EPS15L1: variants seen among roughly 807,000 people sequenced by gnomAD.
The protein encoded by EPS15L1 is epidermal growth factor receptor substrate 15-like 1.
Under a neutral mutation model 117.1 loss-of-function variants are expected in EPS15L1, and 43 were observed. That is an observed-to-expected ratio of 0.37 (90% CI 0.29 to 0.47). The LOEUF is 0.47. Ranked by LOEUF, EPS15L1 falls within the 20% of genes least tolerant of loss-of-function variation. The pLI is 0.99. For missense variants in EPS15L1, 981 were observed against 1,164.0 expected (o/e 0.84, Z 2.29); for synonymous variants, 459 against 470.5 (o/e 0.98, Z 0.32).
intron 9 of EPS15L1, among the ~76,000 whole-genome samples, chr19:16,422,377 T>C (rs185040394): frequency 3.3e-5 from 5 of 152,208 alleles, no homozygotes; most frequent in Non-Finnish European, 7.4e-5. Context: ...GTTCACGGCA[T>C]CTGTGTCCTG....
chr19:16,425,410 A>G, intron 8 of EPS15L1, 94 bp from the exon 9 acceptor site: 1 of 828,786 alleles, frequency 1.2e-6, no homozygotes, highest in Non-Finnish European at 2.0e-6. Flanking sequence ...GGCTGCAGTG[A>G]CAGGACACTC....
chr19:16,412,038 T>C (rs1455666671), intron 13 of EPS15L1, among the ~76,000 whole-genome samples: 1 of 152,244 alleles, frequency 6.6e-6, no homozygotes, highest in Middle Eastern at 3.2e-3. Flanking sequence ...TTATAATACC[T>C]AATATAATGT....
Position 16,370,894 on chromosome 19 carries a change from G to C in EPS15L1, c.2380+6228C>G, listed in dbSNP as rs1369199676. On this transcript the variant is annotated intron_variant, in intron 22 of 23. Transcript: ENST00000455140. This position sits in a 1 kb window ranked among gnomAD's most constrained non-coding sequence, Gnocchi z 5.2. The stretch of plus-strand genomic sequence containing the variant: ...TGGGCAGGAAAGAGGGACTCCACCT[G>C]GTTGGCCGTTTTAGGCTCCTTGGGA... Among the ~76,000 whole-genome samples, 1 of 152,150 alleles carries C rather than the reference G, an allele frequency of 6.6e-6. No homozygotes were observed. Among genetic ancestry groups the C allele is most frequent in the Non-Finnish European group, 1.5e-5 (1 of 68,012 alleles).
At chr19:16,459,820 G>A (rs1164153009) in intron 1 of EPS15L1, among the ~76,000 whole-genome samples, 3 of 152,150 alleles carry the variant, frequency 2.0e-5, no homozygotes, top group Non-Finnish European at 4.4e-5. Flanking sequence ...GAATCAGCAC[G>A]TGAGTTGCAG....
rs541643700 is a variant in EPS15L1, at chr19:16,404,059, C to T, written c.1429-129G>A. On this transcript the variant is annotated intron_variant, in intron 14 of 23. Coordinates refer to ENST00000455140, the MANE Select transcript of EPS15L1 (RefSeq NM_001258374.3). The surrounding 1 kb of genome is among the most constrained non-coding windows in gnomAD (Gnocchi z 4.2). ...GGGACGCAGACACCTAACCCAGGCC[C>T]GACACCTGGCTTCCTTACAGGCCTC... 9.8e-5 allele frequency: 78 copies of T among 792,004 alleles called. No individual in the cohort carries two copies. The African/African-American group carries it at 1.0e-3, about 11-fold the overall frequency. The allele number at this position is 792,004 out of a possible 1,614,324, so 49.1% of individuals were successfully genotyped here. A position where few individuals can be genotyped will look rare whatever the true frequency, so the allele number is the denominator to read the frequency against.
At chr19:16,378,326 A>G (rs1363714365) in intron 21 of EPS15L1, among the ~76,000 whole-genome samples, 1 of 151,836 alleles carries the variant, frequency 6.6e-6, no homozygotes, top group Non-Finnish European at 1.5e-5. Context: ...CCCTCCCCTC[A>G]CAATGCCTCC....
Position 16,365,561 on chromosome 19 carries a change from G to C in EPS15L1, c.2381-3577C>G, listed in dbSNP as rs1045588502. Reference sequence around the variant, plus strand: ...GGCTGAGATAGAGCAAGTGTGAGCAGGGAGCCACCAAAGCCACCGGCAGGG... The same window carrying C: ...GGCTGAGATAGAGCAAGTGTGAGCACGGAGCCACCAAAGCCACCGGCAGGG... On this transcript the variant is annotated intron_variant, in intron 22 of 23. Transcript: ENST00000455140. The surrounding 1 kb of genome is among the most constrained non-coding windows in gnomAD (Gnocchi z 4.9). Among the ~76,000 whole-genome samples the C allele has an allele frequency of 2.6e-4, 40 of 152,204 alleles. No homozygotes were observed. Among genetic ancestry groups the C allele is most frequent in the Admixed American group, 3.9e-4 (6 of 15,284 alleles).
In EPS15L1 at chr19:16,371,652, G is replaced by A. The variant is rs1055676051; in HGVS notation, c.2380+5470C>T. 2.0e-5 allele frequency among the ~76,000 whole-genome samples: 3 copies of A among 152,174 alleles called. No individual in the cohort carries two copies. The highest frequency in any genetic ancestry group is 4.1e-4 in the South Asian group (2 of 4,834). ...GGGCGCTGCAGGCAGGAACCGCAAC[G>A]CAGGGCCGCGCTGGCAGGAAGTGGC... On this transcript the variant is annotated intron_variant, in intron 22 of 23. Transcript: ENST00000455140. This position sits in a 1 kb window ranked among gnomAD's most constrained non-coding sequence, Gnocchi z 4.7.
chr19:16,392,170 G>T, intron 19 of EPS15L1, 134 bp downstream of exon 19: 1 of 996,762 alleles, frequency 1.0e-6, no homozygotes, highest in East Asian at 2.5e-5. Context: ...CCAGCTCCCG[G>T]AGAACAGACA....
At chr19:16,425,959 CCAT>C (rs1483810555) in intron 8 of EPS15L1, among the ~76,000 whole-genome samples, 3 of 152,200 alleles carry the variant, frequency 2.0e-5, no homozygotes, top group African/African-American at 7.2e-5. Context: ...TTGGCAGCCA[CCAT>C]CATCATAATT....
intron 21 of EPS15L1, among the ~76,000 whole-genome samples, chr19:16,378,487 C>T (rs761635852): frequency 2.0e-4 from 30 of 152,230 alleles, no homozygotes; most frequent in Admixed American, 1.4e-3. Flanking sequence ...ACCCCACTGC[C>T]GTCCCCCAGA....
chr19:16,432,075 T>C (rs1048584717), intron 7 of EPS15L1, among the ~76,000 whole-genome samples: 1 of 152,064 alleles, frequency 6.6e-6, no homozygotes, highest in Non-Finnish European at 1.5e-5. Context: ...CTGGAACCAA[T>C]CCCCCTAAGT....
At chr19:16,446,612 G>C (rs1318578134) in intron 1 of EPS15L1, among the ~76,000 whole-genome samples, 17 of 152,162 alleles carry the variant, frequency 1.1e-4, no homozygotes, top group Admixed American at 1.1e-3. Context: ...CAGCCAATGA[G>C]CAACAGTCAG....
At position 16,392,308 on chromosome 19, in the gene EPS15L1, G is replaced by C; in HGVS notation, c.2099C>G (p.Ser700Trp). The change falls in exon 19 of 24, where the codon TCG becomes TGG. Residue 700 changes from serine (S) to tryptophan (W), a missense_variant. Ser to Trp is a radical substitution (Grantham distance 177). Around this residue, in one of 5 missense-constraint regions of EPS15L1, gnomAD observed 819 missense variants for 949.0 expected, o/e 0.86. Transcript: ENST00000455140. ...DPFTKNPSLP[S>W]KLDPFESSDP... is the part of the protein sequence containing the mutation. ...GCAACGTCCCACCCCACTCACCTTCGAAGGTAAGGAAGGGTTTTTCGTGAA... is the reference window on the plus strand; with the variant it reads ...GCAACGTCCCACCCCACTCACCTTCCAAGGTAAGGAAGGGTTTTTCGTGAA... The C allele has an allele frequency of 6.2e-7, 1 of 1,613,994 alleles. No individual in the cohort carries two copies. The highest frequency in any genetic ancestry group is 2.2e-5 in the East Asian group (1 of 44,886).
At chr19:16,363,693 T>C (rs2092092614) in intron 22 of EPS15L1, among the ~76,000 whole-genome samples, 1 of 152,136 alleles carries the variant, frequency 6.6e-6, no homozygotes, top group Admixed American at 6.5e-5. Flanking sequence ...AAGGTGACAT[T>C]CCTGGGGTCC....
At chr19:16,466,834 C>T (rs1218918038) in intron 1 of EPS15L1, among the ~76,000 whole-genome samples, 2 of 149,728 alleles carry the variant, frequency 1.3e-5, no homozygotes, top group African/African-American at 4.9e-5. Flanking sequence ...ATCCAGGAGG[C>T]AGAGGTTGCA....
chr19:16,425,233 T>A lies in EPS15L1; in HGVS notation c.642A>T (p.Arg214Ser). Residue 214 changes from arginine (R) to serine (S), a missense_variant, in exon 9 of 24, where the codon AGA becomes AGT. Arg to Ser is a moderately radical substitution (Grantham distance 110). Around this residue, in one of 5 missense-constraint regions of EPS15L1, gnomAD observed 819 missense variants for 949.0 expected, o/e 0.86. Transcript: ENST00000455140. ...LPPSLIPPSK[R>S]KKTVFPGAVP... The stretch of plus-strand genomic sequence containing the variant: ...CGGCGCCAGGGAACACAGTCTTCTT[T>A]CTCTTGGAGGGTGGGATGAGGGACG... 1 of 1,566,638 alleles carries A rather than the reference T, an allele frequency of 6.4e-7. No individual in the cohort carries two copies. The highest frequency in any genetic ancestry group is 8.8e-7 in the Non-Finnish European group (1 of 1,142,640).
intron 9 of EPS15L1, among the ~76,000 whole-genome samples, chr19:16,422,411 TC>T (rs1390705004): frequency 6.9e-6 from 1 of 145,370 alleles, no homozygotes; most frequent in Non-Finnish European, 1.5e-5. Flanking sequence ...CTTTTCCTCT[TC>T]CCTTTTTTTT....
intron 19 of EPS15L1, among the ~76,000 whole-genome samples, chr19:16,391,068 T>C (rs1009922247): frequency 2.0e-5 from 3 of 152,136 alleles, no homozygotes; most frequent in South Asian, 2.1e-4. Flanking sequence ...ATAAAACTAT[T>C]GTAAAGTCAA....
Sources: gnomAD v4.1 joint callset for allele counts (sites outside exome capture counted in the v4.1 genomes callset) on GRCh38, gnomAD v4.1.1 for gene constraint, gnomAD v4.1.1 regional missense constraint, Gnocchi (gnomAD v3.1) non-coding constraint, MANE v1.5 for transcripts, NCBI Gene and HGNC (gene_info 2026-07-23, HGNC 2026-07-21) for gene names.